The following PTPRK variants were observed in gnomAD, a reference collection of about 807,000 sequenced individuals.
PTPRK encodes receptor-type tyrosine-protein phosphatase kappa.
A neutral mutation model predicts 178.0 loss-of-function variants in PTPRK; 75 were observed. That is an observed-to-expected ratio of 0.42 (90% CI 0.35 to 0.51). PTPRK has a LOEUF of 0.51. Among genes scored for constraint, PTPRK ranks in the 20% least tolerant of loss-of-function variants. The pLI, the probability that PTPRK is intolerant of heterozygous loss-of-function variation, is 0.02. For synonymous variants in PTPRK, 637 were observed against 620.6 expected, an observed-to-expected ratio of 1.03 and a Z score of -0.39; for missense variants, 1,441 against 1,797.8, an observed-to-expected ratio of 0.80 and a Z score of 3.59.
intron 1 of PTPRK, among the ~76,000 whole-genome samples, chr6:128,402,861 T>C (rs1841205790): frequency 6.6e-6 from 1 of 152,154 alleles, no homozygotes; most frequent in African/African-American, 2.4e-5. Flanking sequence ...CCAAAGAGGA[T>C]CTACTAGAAG....
intron 2 of PTPRK, among the ~76,000 whole-genome samples, chr6:128,383,172 G>A (rs1163470729): frequency 2.0e-5 from 3 of 152,082 alleles, no homozygotes; most frequent in South Asian, 2.1e-4. Flanking sequence ...TTAAAAAATC[G>A]AAATCAGTGC....
At chr6:128,123,868 T>C (rs571688649) in intron 7 of PTPRK, among the ~76,000 whole-genome samples, 24 of 152,128 alleles carry the variant, frequency 1.6e-4, no homozygotes, top group Non-Finnish European at 2.6e-4. Flanking sequence ...AAACTGAGTC[T>C]ATGAGTTTTG....
chr6:128,136,099 A>T (rs1462113561), intron 7 of PTPRK, among the ~76,000 whole-genome samples: 4 of 152,150 alleles, frequency 2.6e-5, no homozygotes, highest in Non-Finnish European at 4.4e-5. Context: ...GATATCTGGG[A>T]TGTGAACACA....
chr6:128,237,659 A>G (rs1051257786), intron 5 of PTPRK, among the ~76,000 whole-genome samples: 5 of 152,174 alleles, frequency 3.3e-5, no homozygotes, highest in Non-Finnish European at 2.9e-5. Context: ...AGGCCACTGC[A>G]ATTAACTGGG....
At chr6:128,170,426 T>C (rs1295506691) in intron 7 of PTPRK, among the ~76,000 whole-genome samples, 14 of 152,102 alleles carry the variant, frequency 9.2e-5, no homozygotes, top group Admixed American at 9.2e-4. Context: ...ACTCATGACA[T>C]GGGTAATTCC....
chr6:128,245,782 T>C (rs1478395503), intron 3 of PTPRK, among the ~76,000 whole-genome samples: 1 of 152,220 alleles, frequency 6.6e-6, no homozygotes, highest in Non-Finnish European at 1.5e-5. Context: ...AACAAGGGCT[T>C]AGCAAGAAAT....
intron 7 of PTPRK, among the ~76,000 whole-genome samples, chr6:128,177,007 A>G (rs1010049083): frequency 1.3e-5 from 2 of 151,738 alleles, no homozygotes; most frequent in Non-Finnish European, 2.9e-5. Flanking sequence ...CAATTCAACA[A>G]AAGATATGAA....
chr6:128,131,930 T>C (rs113714091), intron 7 of PTPRK, among the ~76,000 whole-genome samples: 3,877 of 152,316 alleles, frequency 0.025, 76 homozygotes, highest in Middle Eastern at 0.095. Flanking sequence ...TACTGGTTAA[T>C]AGTTTGTTTA....
chr6:128,290,333 T>C (rs1823181945), intron 3 of PTPRK, among the ~76,000 whole-genome samples: 1 of 152,126 alleles, frequency 6.6e-6, no homozygotes, highest in South Asian at 2.1e-4. Flanking sequence ...CACAAAGATA[T>C]GCTTAACTGC....
At chr6:128,459,584 A>T (rs545069432) in intron 1 of PTPRK, among the ~76,000 whole-genome samples, 3 of 152,218 alleles carry the variant, frequency 2.0e-5, no homozygotes, top group African/African-American at 4.8e-5. Flanking sequence ...TGTACTCTAT[A>T]GACTGCAAGA....
rs181429552 is a variant in PTPRK, at chr6:128,039,370, C to T, written c.2194+25388G>A. Among the ~76,000 whole-genome samples, 257 of 152,066 alleles carry T rather than the reference C, an allele frequency of 1.7e-3. 1 individual carries two copies. The highest frequency in any genetic ancestry group is 6.0e-3 in the African/African-American group (248 of 41,492). Reference sequence around the variant, plus strand: ...GTGTATTTTTCTATACTCAGGTAGACGTAGAAATACAGATAGGGTCTATGT... The same window carrying T: ...GTGTATTTTTCTATACTCAGGTAGATGTAGAAATACAGATAGGGTCTATGT... On this transcript the variant is annotated intron_variant, in intron 13 of 29. Transcript: ENST00000368226.
At chr6:128,217,128 T>C (rs1426939687) in intron 6 of PTPRK, among the ~76,000 whole-genome samples, 1 of 152,180 alleles carries the variant, frequency 6.6e-6, no homozygotes, top group Admixed American at 6.5e-5. Flanking sequence ...CTTCAGGCTT[T>C]CAAAATTAGG....
intron 2 of PTPRK, among the ~76,000 whole-genome samples, chr6:128,348,886 T>C (rs1352702201): frequency 1.3e-5 from 2 of 152,050 alleles, no homozygotes; most frequent in African/African-American, 4.8e-5. Flanking sequence ...TAAAAATATG[T>C]AGGCACCACA....
intron 7 of PTPRK, among the ~76,000 whole-genome samples, chr6:128,094,360 G>A (rs1265948401): frequency 1.3e-5 from 2 of 152,104 alleles, no homozygotes; most frequent in African/African-American, 4.8e-5. Context: ...GAGAGATTAG[G>A]GCTAAGTAAG....
intron 2 of PTPRK, among the ~76,000 whole-genome samples, chr6:128,355,618 T>C (rs1162127200): frequency 6.6e-6 from 1 of 152,020 alleles, no homozygotes; most frequent in Non-Finnish European, 1.5e-5. Flanking sequence ...TTTAAAAAAA[T>C]ATTCTTTACA....
chr6:128,434,749 C>A (rs1210986912), intron 1 of PTPRK, among the ~76,000 whole-genome samples: 1 of 152,018 alleles, frequency 6.6e-6, no homozygotes, highest in Non-Finnish European at 1.5e-5. Context: ...AGGAATTTAG[C>A]TGGGTACAGT....
chr6:128,410,782 G>C (rs1016807538), intron 1 of PTPRK, among the ~76,000 whole-genome samples: 6 of 152,198 alleles, frequency 3.9e-5, no homozygotes, highest in Non-Finnish European at 4.4e-5. Flanking sequence ...AGTCACAGGG[G>C]AGGGGAACTG....
At chr6:128,395,669 A>C (rs1197108550) in intron 2 of PTPRK, among the ~76,000 whole-genome samples, 1 of 152,152 alleles carries the variant, frequency 6.6e-6, no homozygotes, top group Non-Finnish European at 1.5e-5. Context: ...TGCACCAGGA[A>C]AATAAGGTTA....
chr6:128,346,686 C>G (rs1427294123), intron 2 of PTPRK, among the ~76,000 whole-genome samples: 1 of 152,080 alleles, frequency 6.6e-6, no homozygotes, highest in African/African-American at 2.4e-5. Context: ...ATTACTGGAA[C>G]CTTCCTTGTC....
Sources: gnomAD v4.1 joint callset for allele counts (sites outside exome capture counted in the v4.1 genomes callset) on GRCh38, gnomAD v4.1.1 for gene constraint, MANE v1.5 for transcripts, NCBI Gene and HGNC (gene_info 2026-07-23, HGNC 2026-07-21) for gene names.